Variants in ADAMTS20 observed in about 807,000 individuals in gnomAD.
ADAMTS20 encodes ADAM metallopeptidase with thrombospondin type 1 motif 20, also known as A disintegrin and metalloproteinase with thrombospondin motifs 20.
Under a neutral mutation model 260.1 loss-of-function variants are expected in ADAMTS20, and 225 were observed. The observed-to-expected ratio is 0.87, with a 90% confidence interval of 0.78 to 0.97. ADAMTS20 has a LOEUF of 0.97. ADAMTS20 is among the 50% of genes least tolerant of loss of function. ADAMTS20 has a pLI of 0.00. For synonymous variants in ADAMTS20, 802 were observed against 769.5 expected, an observed-to-expected ratio of 1.04 and a Z score of -0.70; for missense variants, 2,400 against 2,337.7, an observed-to-expected ratio of 1.03 and a Z score of -0.55.
At chr12:43,427,890 T>C (rs1032299151) in intron 26 of ADAMTS20, among the ~76,000 whole-genome samples, 1 of 152,216 alleles carries the variant, frequency 6.6e-6, no homozygotes. Context: ...CATGATTTTA[T>C]ACCAGCTTAT....
intron 37 of ADAMTS20, among the ~76,000 whole-genome samples, chr12:43,358,654 C>A (rs1429340738): frequency 6.6e-6 from 1 of 151,230 alleles, no homozygotes; most frequent in South Asian, 2.1e-4. Context: ...CTGGCTAACA[C>A]GGTGAAACCC....
At chr12:43,453,571 A>AGCCAGGAT (rs1364567788) in intron 12 of ADAMTS20, among the ~76,000 whole-genome samples, 1 of 152,188 alleles carries the variant, frequency 6.6e-6, no homozygotes, top group African/African-American at 2.4e-5. Context: ...AAGTGAAAGT[A>AGCCAGGAT]GCCAGGATGT....
At chr12:43,548,527 A>G (rs1353662957) in intron 2 of ADAMTS20, among the ~76,000 whole-genome samples, 1 of 141,512 alleles carries the variant, frequency 7.1e-6, no homozygotes, top group African/African-American at 2.5e-5. Context: ...AAAATCTACC[A>G]GGTTCTATTA....
At chr12:43,414,640 G>A (rs780758878) in intron 28 of ADAMTS20, among the ~76,000 whole-genome samples, 1 of 151,878 alleles carries the variant, frequency 6.6e-6, no homozygotes, top group African/African-American at 2.4e-5. Context: ...GAAATACCAC[G>A]ACACACTCAC....
intron 7 of ADAMTS20, among the ~76,000 whole-genome samples, chr12:43,486,754 G>T (rs1436733143): frequency 1.3e-5 from 2 of 151,662 alleles, no homozygotes; most frequent in African/African-American, 4.9e-5. Flanking sequence ...CCATTAAAAA[G>T]TGAGCAAAGG....
intron 15 of ADAMTS20, 61 bp downstream of exon 15, chr12:43,446,534 T>A: frequency 7.9e-7 from 1 of 1,268,958 alleles, no homozygotes; most frequent in Non-Finnish European, 1.1e-6. Flanking sequence ...TTACACCTTC[T>A]TTACAGACTC....
intron 28 of ADAMTS20, among the ~76,000 whole-genome samples, chr12:43,401,289 TC>T (rs1940805029): frequency 6.6e-6 from 1 of 151,970 alleles, no homozygotes; most frequent in Admixed American, 6.6e-5. Flanking sequence ...TCCAGCTGTG[TC>T]TGTTTTGTAA....
Position 43,551,736 on chromosome 12 carries a change from C to A in ADAMTS20, c.91+95G>T. On this transcript the variant is annotated intron_variant, in intron 1 of 38. Transcript: ENST00000389420. The surrounding 1 kb of genome is among the most constrained non-coding windows in gnomAD (Gnocchi z 4.6). ...GGAGCTCCAGCAGGGCCAGCGTTCC[C>A]CAACGGGCTGAGCCGCTCGTCCCCG... 7.6e-7 allele frequency: 1 copy of A among 1,318,874 alleles called. No individual in the cohort carries two copies. The highest frequency in any genetic ancestry group is 1.2e-5 in the South Asian group (1 of 82,482). 81.7% of individuals were successfully genotyped at this position (1,318,874 alleles called of 1,614,324 possible).
intron 10 of ADAMTS20, among the ~76,000 whole-genome samples, chr12:43,463,609 A>G (rs778652170): frequency 6.6e-6 from 1 of 152,182 alleles, no homozygotes; most frequent in Non-Finnish European, 1.5e-5. Context: ...ATCTTTTACA[A>G]TGATATTTTA....
At chr12:43,502,571 T>C (rs1157809614) in intron 3 of ADAMTS20, among the ~76,000 whole-genome samples, 166 bp from the exon 4 acceptor site, 1 of 152,162 alleles carries the variant, frequency 6.6e-6, no homozygotes, top group East Asian at 1.9e-4. Context: ...TGTACAGCAT[T>C]ATCATGAAGA....
intron 16 of ADAMTS20, among the ~76,000 whole-genome samples, chr12:43,442,723 G>T (rs1051370260): frequency 3.3e-5 from 5 of 152,144 alleles, no homozygotes; most frequent in African/African-American, 1.2e-4. Context: ...ACAAGGAAAA[G>T]AATTTCAACT....
At chr12:43,471,178 C>A (rs112958484) in intron 7 of ADAMTS20, among the ~76,000 whole-genome samples, 3 of 152,080 alleles carry the variant, frequency 2.0e-5, no homozygotes, top group African/African-American at 7.2e-5. Flanking sequence ...ACCTGGGAAG[C>A]GCAAGGGGTC....
At chr12:43,370,014 C>A (rs937417438) in intron 36 of ADAMTS20, among the ~76,000 whole-genome samples, 2 of 152,116 alleles carry the variant, frequency 1.3e-5, no homozygotes, top group Non-Finnish European at 2.9e-5. Flanking sequence ...TAAAAGTCAG[C>A]TGCTTCAATC....
intron 36 of ADAMTS20, among the ~76,000 whole-genome samples, chr12:43,373,948 G>T (rs376696459): frequency 4.0e-5 from 6 of 151,896 alleles, no homozygotes; most frequent in South Asian, 2.1e-4. Flanking sequence ...CAAAGTGCTG[G>T]GATTACAGGC....
At chr12:43,407,434 CATGTA>C (rs565368689) in intron 28 of ADAMTS20, among the ~76,000 whole-genome samples, 20 of 151,604 alleles carry the variant, frequency 1.3e-4, no homozygotes, top group African/African-American at 4.1e-4. Context: ...AGAGAACTTA[CATGTA>C]ATTCATCTAA....
At chr12:43,469,233 T>C (rs1942208140) in intron 7 of ADAMTS20, among the ~76,000 whole-genome samples, 1 of 152,116 alleles carries the variant, frequency 6.6e-6, no homozygotes, top group Non-Finnish European at 1.5e-5. Context: ...ATATGTTAAA[T>C]AAAATAAAAC....
At chr12:43,361,690 G>A (rs1014232060) in intron 37 of ADAMTS20, among the ~76,000 whole-genome samples, 19 of 152,242 alleles carry the variant, frequency 1.2e-4, no homozygotes, top group Admixed American at 1.1e-3. Context: ...TTGGAGAAAG[G>A]GAGTTAGAAA....
intron 3 of ADAMTS20, among the ~76,000 whole-genome samples, chr12:43,515,132 A>T (rs977258038): frequency 6.6e-6 from 1 of 152,192 alleles, no homozygotes; most frequent in Non-Finnish European, 1.5e-5. Context: ...ACAATCTCTA[A>T]CTATCTGCTC....
At chr12:43,549,880 T>C (rs891523062) in intron 2 of ADAMTS20, among the ~76,000 whole-genome samples, 1 of 152,188 alleles carries the variant, frequency 6.6e-6, no homozygotes, top group African/African-American at 2.4e-5. Flanking sequence ...CAGAGAAATG[T>C]TATCAATTTT....
Sources: allele counts gnomAD v4.1 joint callset (sites outside exome capture counted in the v4.1 genomes callset), GRCh38; gene constraint gnomAD v4.1.1; non-coding constraint Gnocchi (gnomAD v3.1); transcripts MANE v1.5; gene names NCBI Gene and HGNC (gene_info 2026-07-23, HGNC 2026-07-21).